The following GPRC5A variants were observed in gnomAD, a reference collection of about 807,000 sequenced individuals.
GPRC5A encodes retinoic acid-induced protein 3.
Under a neutral mutation model 22.5 loss-of-function variants are expected in GPRC5A, and 19 were observed. The ratio of observed to expected loss-of-function variants is 0.85; its 90% CI spans 0.59 to 1.24. The LOEUF (loss-of-function observed/expected upper bound fraction) is 1.24, where lower values mean the gene tolerates loss of function less well. GPRC5A is among the 50% of genes most tolerant of loss of function. The pLI, the probability that GPRC5A is intolerant of heterozygous loss-of-function variation, is 0.00. For synonymous variants in GPRC5A, 192 were observed against 184.5 expected (o/e 1.04, Z -0.33); for missense variants, 471 against 451.1 (o/e 1.04, Z -0.40).
intron 1 of GPRC5A, among the ~76,000 whole-genome samples, chr12:12,899,758 C>G (rs1260885672): frequency 6.6e-6 from 1 of 152,028 alleles, no homozygotes; most frequent in East Asian, 1.9e-4. Flanking sequence ...TGTAGCAATT[C>G]GAGAATAGAG....
rs1426195697 is a variant in GPRC5A, at chr12:12,908,841, A to G, written c.592A>G (p.Thr198Ala). The change falls in exon 2 of 4, where the codon ACC (threonine) becomes GCC (alanine). Residue 198 changes from threonine to alanine, a missense_variant. Physicochemically the swap from Thr to Ala is moderately conservative, Grantham distance 58 (BLOSUM62 0). Coordinates refer to ENST00000014914, the MANE Select transcript of GPRC5A (RefSeq NM_003979.4). The stretch of plus-strand genomic sequence containing the variant: ...GCTGACCTTCCTCATGTCCTCCTTC[A>G]CCTTCTGTGGTTCCTTCACGGGCTG... ...MALTFLMSSFTFCGSFTGWKR... is the reference protein window; with the variant it reads ...MALTFLMSSFAFCGSFTGWKR... 6.2e-7 allele frequency: 1 copy of G among 1,613,684 alleles called. No homozygotes were observed.
chr12:12,896,611 T>G (rs751959944), intron 1 of GPRC5A, among the ~76,000 whole-genome samples: 1 of 152,192 alleles, frequency 6.6e-6, no homozygotes, highest in African/African-American at 2.4e-5. Context: ...AATAAATAAC[T>G]TGCTTTGGGT....
chr12:12,892,567 A>G (rs1476432707), intron 1 of GPRC5A, among the ~76,000 whole-genome samples: 2 of 152,044 alleles, frequency 1.3e-5, no homozygotes, highest in African/African-American at 2.4e-5. Context: ...GGGTTTCCCC[A>G]TGTTGGTCAG....
chr12:12,915,822 T>A lies in GPRC5A; in HGVS notation c.*3283T>A, dbSNP rs568792360. On this transcript the variant is annotated 3_prime_UTR_variant, in exon 4 of 4. Coordinates refer to ENST00000014914, the MANE Select transcript of GPRC5A (RefSeq NM_003979.4). ...TGAGCCACCGCGCCCGGCCCCGTTG[T>A]TTCCCTTCTAAGAAACGCAGTGGTC... is the stretch of plus-strand genomic sequence containing the variant. 1 of 517,340 alleles carries A rather than the reference T, an allele frequency of 1.9e-6. No homozygotes were observed. The highest frequency in any genetic ancestry group is 2.0e-5 in the Admixed American group (1 of 50,438). 32.0% of individuals were successfully genotyped at this position (517,340 alleles called of 1,614,324 possible).
At chr12:12,893,937 T>C (rs1250863233) in intron 1 of GPRC5A, among the ~76,000 whole-genome samples, 1 of 152,170 alleles carries the variant, frequency 6.6e-6, no homozygotes, top group Non-Finnish European at 1.5e-5. Flanking sequence ...AATTTTTGTA[T>C]TTTTAGTAGA....
rs563153939 is a variant in GPRC5A at position 12,913,427 on chromosome 12, C to T, written c.*888C>T. 1.3e-5 allele frequency: 2 copies of T among 152,396 alleles called. No individual in the cohort carries two copies. The highest frequency in any genetic ancestry group is 2.4e-5 in the African/African-American group (1 of 41,566). The allele number at this position is 152,396 out of a possible 1,614,324, so 9.4% of individuals were successfully genotyped here. On this transcript the variant is annotated 3_prime_UTR_variant, in exon 4 of 4. Transcript: ENST00000014914. ...CTTTCAGACCTCACTAGCACAAGCCCGGTTGCTCCTTGTCAGGAGAATTTG... is the reference window on the plus strand; with the variant it reads ...CTTTCAGACCTCACTAGCACAAGCCTGGTTGCTCCTTGTCAGGAGAATTTG...
intron 1 of GPRC5A, among the ~76,000 whole-genome samples, chr12:12,903,841 A>G (rs746876770): frequency 2.6e-5 from 4 of 152,200 alleles, no homozygotes; most frequent in Admixed American, 6.5e-5. Context: ...TCTGTCCAGT[A>G]CCAGAACTGT....
chr12:12,896,287 G>T (rs1327513203), intron 1 of GPRC5A, among the ~76,000 whole-genome samples: 1 of 152,086 alleles, frequency 6.6e-6, no homozygotes, highest in Non-Finnish European at 1.5e-5. Context: ...ATCTGCCTGT[G>T]GTGCTATGAT....
At chr12:12,912,022 A>T in intron 2 of GPRC5A, 62 bp from the exon 3 acceptor site, 3 of 960,074 alleles carry the variant, frequency 3.1e-6, no homozygotes, top group Non-Finnish European at 5.1e-6. Context: ...GATAAGTGAT[A>T]CAATGGGGTG....
intron 1 of GPRC5A, among the ~76,000 whole-genome samples, chr12:12,894,583 A>AT (rs760677451): frequency 1.3e-5 from 2 of 151,196 alleles, no homozygotes; most frequent in East Asian, 2.0e-4. Flanking sequence ...TAATTTTTAA[A>AT]TTTTTTGTAG....
intron 1 of GPRC5A, among the ~76,000 whole-genome samples, chr12:12,898,172 C>A (rs1172449347): frequency 2.6e-5 from 4 of 152,182 alleles, no homozygotes; most frequent in African/African-American, 9.7e-5. Context: ...TATGTAATTT[C>A]TCTGTGCCTC....
rs1864045684 is a variant in GPRC5A at position 12,914,791 on chromosome 12, TG to T, written c.*2253del. The T allele has an allele frequency of 6.6e-6, 1 of 151,766 alleles. No individual in the cohort carries two copies. The highest frequency in any genetic ancestry group is 2.4e-5 in the African/African-American group (1 of 41,258). 9.4% of individuals were successfully genotyped at this position (151,766 alleles called of 1,614,324 possible). A position where few individuals can be genotyped will look rare whatever the true frequency, so the allele number is the denominator to read the frequency against. On this transcript the variant is annotated 3_prime_UTR_variant, in exon 4 of 4. Coordinates refer to ENST00000014914, the MANE Select transcript of GPRC5A (RefSeq NM_003979.4). The stretch of plus-strand genomic sequence containing the variant: ...TGCGCCACCACGCCTGGCTAATTTT[TG>T]TATTTTTAGTACAGACGAGGTTTCA...
chr12:12,902,854 G>A (rs1863903897), intron 1 of GPRC5A, among the ~76,000 whole-genome samples: 2 of 152,166 alleles, frequency 1.3e-5, no homozygotes, highest in South Asian at 4.1e-4. Flanking sequence ...GATCAGCTGA[G>A]GTCGGGTATT....
At chr12:12,903,968 C>T (rs1863914668) in intron 1 of GPRC5A, among the ~76,000 whole-genome samples, 1 of 152,184 alleles carries the variant, frequency 6.6e-6, no homozygotes, top group South Asian at 2.1e-4. Flanking sequence ...AACTACTTGT[C>T]CACAAACAGT....
chr12:12,914,561 T>TTTCC lies in GPRC5A; in HGVS notation c.*2025_*2026insCTTC. The stretch of plus-strand genomic sequence containing the variant: ...CCTTCCTTCCTTTCTTCTTTCTTTC[T>TTTCC]TTCTTTCTTTCTTTCTTTCTTTCTT... On this transcript the variant is annotated 3_prime_UTR_variant, in exon 4 of 4. Transcript: ENST00000014914. The TTTCC allele has an allele frequency of 1.6e-5, 1 of 64,114 alleles. No homozygotes were observed. The allele number at this position is 64,114 out of a possible 1,614,324, so 4.0% of individuals were successfully genotyped here.
At chr12:12,905,352 T>A (rs1350460002) in intron 1 of GPRC5A, among the ~76,000 whole-genome samples, 2 of 152,144 alleles carry the variant, frequency 1.3e-5, no homozygotes, top group African/African-American at 4.8e-5. Context: ...CTGCGAGCCT[T>A]CCCTTCCTCT....
chr12:12,895,646 A>T (rs1348752464), intron 1 of GPRC5A, among the ~76,000 whole-genome samples: 2 of 151,664 alleles, frequency 1.3e-5, no homozygotes, highest in Non-Finnish European at 1.5e-5. Flanking sequence ...TCAGAATAAG[A>T]TATTTAAATG....
rs1864063899 is a variant in GPRC5A at position 12,916,347 on chromosome 12, T to TGAGGC, written c.*3808_*3809insGAGGC. ...TGTGAGATGCGAAATAGAGCGTGTCTCTCTGCCTCTCATTTTAGGCTGAGG... is the reference window on the plus strand; with the variant it reads ...TGTGAGATGCGAAATAGAGCGTGTCTGAGGCCTCTGCCTCTCATTTTAGGCTGAGG... On this transcript the variant is annotated 3_prime_UTR_variant, in exon 4 of 4. Coordinates refer to ENST00000014914, the MANE Select transcript of GPRC5A (RefSeq NM_003979.4). 1 of 152,292 alleles carries TGAGGC rather than the reference T, an allele frequency of 6.6e-6. No individual in the cohort carries two copies. Among genetic ancestry groups the TGAGGC allele is most frequent in the African/African-American group, 2.4e-5 (1 of 41,454 alleles). The allele number at this position is 152,292 out of a possible 1,614,324, so 9.4% of individuals were successfully genotyped here.
rs1864076210 is a variant in GPRC5A at position 12,917,299 on chromosome 12, G to A, written c.*4760G>A. ...CTGACCCTGATTTCTGCAACCTCCA[G>A]ATTTCTTTCTTGACCCTTCAAAGTG... On this transcript the variant is annotated 3_prime_UTR_variant, in exon 4 of 4. Transcript: ENST00000014914. 1.3e-5 allele frequency: 2 copies of A among 150,662 alleles called. No individual in the cohort carries two copies. The highest frequency in any genetic ancestry group is 2.1e-4 in the South Asian group (1 of 4,760). 9.3% of individuals were successfully genotyped at this position (150,662 alleles called of 1,614,324 possible).
Sources: gnomAD v4.1 joint callset for allele counts (sites outside exome capture counted in the v4.1 genomes callset) on GRCh38, gnomAD v4.1.1 for gene constraint, MANE v1.5 for transcripts, NCBI Gene and HGNC (gene_info 2026-07-23, HGNC 2026-07-21) for gene names.